EFCAB9: variants seen among roughly 807,000 people sequenced by gnomAD.
EFCAB9 encodes EF-hand calcium binding domain 9.
EFCAB9 carries 16 observed loss-of-function variants against 15.6 expected under a neutral mutation model. That is an observed-to-expected ratio of 1.03 (90% CI 0.69 to 1.56). The LOEUF is 1.56. EFCAB9 is among the 40% of genes most tolerant of loss of function. The pLI is 0.00. For synonymous variants in EFCAB9, 76 were observed against 85.4 expected, an observed-to-expected ratio of 0.89 and a Z score of 0.61; for missense variants, 208 against 235.4, an observed-to-expected ratio of 0.88 and a Z score of 0.76.
intron 3 of EFCAB9, 21 bp from the exon 4 acceptor site, chr5:172,203,193 T>TC: frequency 6.2e-6 from 9 of 1,459,962 alleles, no homozygotes; most frequent in East Asian, 2.5e-5. Flanking sequence ...AATTTTTCTT[T>TC]CCCCCCCACC....
intron 1 of EFCAB9, 29 bp downstream of exon 1, chr5:172,194,337 G>C (rs1771120589): frequency 6.5e-7 from 1 of 1,533,992 alleles, no homozygotes; most frequent in Non-Finnish European, 8.7e-7. Flanking sequence ...GTCTCCTCTG[G>C]GTCCTTACCT....
At chr5:172,202,930 G>A (rs1771280714) in intron 3 of EFCAB9, among the ~76,000 whole-genome samples, 1 of 152,054 alleles carries the variant, frequency 6.6e-6, no homozygotes, top group Admixed American at 6.6e-5. Flanking sequence ...AACCTGGGAG[G>A]TGGAGTTGCA....
At chr5:172,200,537 G>A (rs1468062473) in intron 2 of EFCAB9, 29 bp from the exon 3 acceptor site, 1 of 1,523,142 alleles carries the variant, frequency 6.6e-7, no homozygotes, top group Non-Finnish European at 8.8e-7. Flanking sequence ...CAACACTGTT[G>A]CTCATCTCAC....
chr5:172,196,407 A>T (rs1771163243), intron 1 of EFCAB9, among the ~76,000 whole-genome samples: 1 of 147,702 alleles, frequency 6.8e-6, no homozygotes, highest in African/African-American at 2.5e-5. Flanking sequence ...TTTTTTTGAG[A>T]CGGAGTTTCA....
intron 1 of EFCAB9, among the ~76,000 whole-genome samples, chr5:172,195,717 T>A (rs1352464568): frequency 6.6e-6 from 1 of 152,264 alleles, no homozygotes; most frequent in East Asian, 1.9e-4. Flanking sequence ...AGGCACAGCC[T>A]TAATGTTTGC....
At chr5:172,196,154 A>G (rs1316604990) in intron 1 of EFCAB9, among the ~76,000 whole-genome samples, 1 of 152,060 alleles carries the variant, frequency 6.6e-6, no homozygotes, top group Non-Finnish European at 1.5e-5. Context: ...AGTAATTACT[A>G]AGTTGCACAT....
chr5:172,198,664 T>G (rs1401548654), intron 1 of EFCAB9, among the ~76,000 whole-genome samples: 3 of 152,190 alleles, frequency 2.0e-5, no homozygotes, highest in Non-Finnish European at 4.4e-5. Context: ...TCGCCCAGGC[T>G]GGAGTGCAGC....
rs1491214933 is a variant in EFCAB9 at position 172,203,199 on chromosome 5, CCA to C, written c.463-13_463-12del. The C allele has an allele frequency of 1.0e-3, 892 of 884,674 alleles. 1 individual carries two copies. The African/African-American group carries it at 0.012, about 12-fold the overall frequency. The allele number at this position is 884,674 out of a possible 1,614,324, so 54.8% of individuals were successfully genotyped here. A position where few individuals can be genotyped will look rare whatever the true frequency, so the allele number is the denominator to read the frequency against. ...TCCTGAAATAATTTTTCTTTCCCCCCCACCCTAACCAAAGCGTCTTAATTATC... is the reference window on the plus strand; with the variant it reads ...TCCTGAAATAATTTTTCTTTCCCCCCCCCTAACCAAAGCGTCTTAATTATC... On this transcript the variant is annotated splice_polypyrimidine_tract_variant and intron_variant, in intron 3 of 3. Transcript: ENST00000398186.
At chr5:172,194,540 C>T (rs747584618) in intron 1 of EFCAB9, among the ~76,000 whole-genome samples, 3 of 152,092 alleles carry the variant, frequency 2.0e-5, no homozygotes, top group Non-Finnish European at 4.4e-5. Context: ...GCTGGGATTA[C>T]AGGTGTCTGC....
chr5:172,201,250 C>T (rs1314021463), intron 3 of EFCAB9, among the ~76,000 whole-genome samples: 1 of 152,220 alleles, frequency 6.6e-6, no homozygotes, highest in African/African-American at 2.4e-5. Flanking sequence ...TGGCACATGC[C>T]TGTAATCCCA....
rs922034256 is a variant in EFCAB9 at position 172,200,594 on chromosome 5, G to A, written c.314G>A (p.Arg105His). 42 of 1,536,776 alleles carry A rather than the reference G, an allele frequency of 2.7e-5. No individual in the cohort carries two copies. Among genetic ancestry groups the A allele is most frequent in the East Asian group, 9.8e-5 (4 of 40,912 alleles). The part of the protein sequence containing the change: ...QNHLEGQFMY[R>H]HSRPVFDLLD... ...CATTTGGAAGGACAGTTTATGTATC[G>A]TCATTCCCGGCCTGTCTTTGACCTG... The change falls in exon 3 of 4, where the codon CGT becomes CAT. Residue 105 changes from arginine to histidine, a missense_variant. Transcript: ENST00000398186.
intron 1 of EFCAB9, 146 bp downstream of exon 1, chr5:172,194,454 C>T (rs1017135796): frequency 3.3e-5 from 36 of 1,076,968 alleles, no homozygotes; most frequent in South Asian, 3.4e-5. Flanking sequence ...GGCTGGAGTA[C>T]GATGGCGCGA....
intron 1 of EFCAB9, among the ~76,000 whole-genome samples, chr5:172,198,819 T>G (rs1320679145): frequency 6.6e-6 from 1 of 152,196 alleles, no homozygotes; most frequent in Non-Finnish European, 1.5e-5. Context: ...TTTCACCATA[T>G]TGGCTAGGCT....
chr5:172,200,479 G>C, intron 2 of EFCAB9, 87 bp from the exon 3 acceptor site: 1 of 1,327,678 alleles, frequency 7.5e-7, no homozygotes, highest in Middle Eastern at 1.9e-4. Flanking sequence ...TAGGGAAGGG[G>C]CTGGTGAAGA....
At chr5:172,198,276 A>C (rs1234637884) in intron 1 of EFCAB9, among the ~76,000 whole-genome samples, 1 of 152,188 alleles carries the variant, frequency 6.6e-6, no homozygotes, top group Non-Finnish European at 1.5e-5. Context: ...TGGGAGGCAG[A>C]GGCAGGTGGA....
intron 1 of EFCAB9, 130 bp from the exon 2 acceptor site, chr5:172,199,253 C>A (rs1029801259): frequency 3.3e-6 from 4 of 1,216,720 alleles, no homozygotes; most frequent in Non-Finnish European, 4.5e-6. Context: ...AAGCCAGAAA[C>A]AAAATATTAT....
In EFCAB9 at chr5:172,203,349, C is replaced by G; in HGVS notation, c.*4C>G. 6.5e-7 allele frequency: 1 copy of G among 1,528,602 alleles called. No individual in the cohort carries two copies. Among genetic ancestry groups the G allele is most frequent in the Non-Finnish European group, 8.7e-7 (1 of 1,144,780 alleles). 94.7% of individuals were successfully genotyped at this position (1,528,602 alleles called of 1,614,324 possible). ...CTCAAAATGTCACATCAAGTAGATA[C>G]AAGCTGAAAGAGTCTTGGAAAAAAA... On this transcript the variant is annotated 3_prime_UTR_variant, in exon 4 of 4. Coordinates refer to ENST00000398186, the MANE Select transcript of EFCAB9 (RefSeq NM_001171183.2).
chr5:172,196,884 T>G (rs1771173603), intron 1 of EFCAB9, among the ~76,000 whole-genome samples: 1 of 152,208 alleles, frequency 6.6e-6, no homozygotes, highest in South Asian at 2.1e-4. Flanking sequence ...TTCTCTGTAC[T>G]TGGTTTGCAA....
intron 3 of EFCAB9, among the ~76,000 whole-genome samples, chr5:172,201,160 G>C (rs1385972656): frequency 6.6e-6 from 1 of 152,176 alleles, no homozygotes; most frequent in African/African-American, 2.4e-5. Context: ...TGGATCACCT[G>C]AGGCTGGGAA....
Sources: allele counts gnomAD v4.1 joint callset (sites outside exome capture counted in the v4.1 genomes callset), GRCh38; gene constraint gnomAD v4.1.1; transcripts MANE v1.5; gene names NCBI Gene and HGNC (gene_info 2026-07-23, HGNC 2026-07-21).